KBTBD12: variants seen among roughly 807,000 people sequenced by gnomAD.
The protein encoded by KBTBD12 is kelch repeat and BTB domain containing 12, also known as kelch repeat and BTB domain-containing protein 12.
Under a neutral mutation model 58.7 loss-of-function variants are expected in KBTBD12, and 53 were observed. That is an observed-to-expected ratio of 0.90 (90% CI 0.72 to 1.14). The LOEUF (loss-of-function observed/expected upper bound fraction) is 1.14, where lower values mean the gene tolerates loss of function less well. KBTBD12 is among the 50% of genes most tolerant of loss of function. The probability of loss-of-function intolerance (pLI) is 0.00; values close to 1 mark genes in which losing one functional copy is unlikely to be tolerated. For synonymous variants in KBTBD12, 236 were observed against 259.8 expected (o/e 0.91, Z 0.88); for missense variants, 704 against 751.3 (o/e 0.94, Z 0.74).
chr3:127,986,382 T>C lies in KBTBD12; in HGVS notation c.*2104T>C, dbSNP rs1484732587. The C allele has an allele frequency of 6.6e-6, 1 of 152,624 alleles. No individual in the cohort carries two copies. Among genetic ancestry groups the C allele is most frequent in the Non-Finnish European group, 1.5e-5 (1 of 68,044 alleles). The allele number at this position is 152,624 out of a possible 1,614,324, so 9.5% of individuals were successfully genotyped here. A position where few individuals can be genotyped will look rare whatever the true frequency, so the allele number is the denominator to read the frequency against. On this transcript the variant is annotated 3_prime_UTR_variant, in exon 6 of 6. Transcript: ENST00000405109. ...TTAGCTGCCATTATTATCATCACTG[T>C]CATTATCATTGCAGTCAGCACTTCC...
intron 5 of KBTBD12, among the ~76,000 whole-genome samples, chr3:127,968,831 G>T (rs1000278347): frequency 6.8e-6 from 1 of 146,350 alleles, no homozygotes; most frequent in Non-Finnish European, 1.5e-5. Flanking sequence ...CGTATTAGTA[G>T]AATAAAGGGA....
intron 1 of KBTBD12, among the ~76,000 whole-genome samples, chr3:127,921,707 C>T (rs1306296861): frequency 2.6e-5 from 4 of 152,062 alleles, no homozygotes; most frequent in South Asian, 2.1e-4. Context: ...CAGTTATTTC[C>T]GTTTTCAAAT....
At chr3:127,922,088 G>A (rs1224748687) in intron 1 of KBTBD12, among the ~76,000 whole-genome samples, 2 of 152,044 alleles carry the variant, frequency 1.3e-5, no homozygotes, top group East Asian at 3.8e-4. Flanking sequence ...TAAAACAAAC[G>A]CTAATTTAAA....
chr3:127,984,295 G>C lies in KBTBD12; in HGVS notation c.*17G>C. On this transcript the variant is annotated 3_prime_UTR_variant, in exon 6 of 6. Coordinates refer to ENST00000405109, the MANE Select transcript of KBTBD12 (RefSeq NM_207335.4). ...GAGCACTAAGGTGACCTTGCTGGAG[G>C]ACCTCCTGCTGTTCTGCAAACAAGG... The C allele has an allele frequency of 6.2e-7, 1 of 1,608,988 alleles. No homozygotes were observed. The highest frequency in any genetic ancestry group is 8.5e-7 in the Non-Finnish European group (1 of 1,177,498).
At chr3:127,956,504 C>G (rs1271135057) in intron 4 of KBTBD12, among the ~76,000 whole-genome samples, 1 of 151,658 alleles carries the variant, frequency 6.6e-6, no homozygotes, top group Non-Finnish European at 1.5e-5. Flanking sequence ...CTATGACACC[C>G]AGTACAAACA....
intron 5 of KBTBD12, among the ~76,000 whole-genome samples, chr3:127,971,345 G>A (rs1451034997): frequency 5.3e-5 from 8 of 152,188 alleles, no homozygotes; most frequent in Admixed American, 2.0e-4. Context: ...ACTGAATACC[G>A]AAGAGCCACT....
intron 1 of KBTBD12, among the ~76,000 whole-genome samples, chr3:127,917,419 C>G (rs76579389): frequency 0.014 from 2,150 of 152,328 alleles, 46 homozygotes; most frequent in African/African-American, 0.048. Context: ...GGGAACCCTC[C>G]ACATGTTCAG....
At chr3:127,925,512 A>G (rs1040410803) in intron 2 of KBTBD12, among the ~76,000 whole-genome samples, 2 of 151,898 alleles carry the variant, frequency 1.3e-5, no homozygotes, top group African/African-American at 4.8e-5. Flanking sequence ...TTTTTAGTAA[A>G]CCTCCAACCC....
chr3:127,979,820 C>T (rs1329334793), intron 5 of KBTBD12, among the ~76,000 whole-genome samples: 1 of 152,192 alleles, frequency 6.6e-6, no homozygotes, highest in Non-Finnish European at 1.5e-5. Flanking sequence ...TTACAGAACA[C>T]ATACATTGAC....
rs544292803 is a variant in KBTBD12 at position 127,938,575 on chromosome 3, A to G, written c.1492+8292A>G. The stretch of plus-strand genomic sequence containing the variant: ...AAAAGCTAGATATTAGATGAAATGT[A>G]CCAACAATTATATTAAATGGAAATG... On this transcript the variant is annotated intron_variant, in intron 4 of 5. Coordinates refer to ENST00000405109, the MANE Select transcript of KBTBD12 (RefSeq NM_207335.4). Among the ~76,000 whole-genome samples, 68 of 152,328 alleles carry G rather than the reference A, an allele frequency of 4.5e-4. 1 individual carries two copies. The highest frequency in any genetic ancestry group is 1.5e-3 in the African/African-American group (62 of 41,586).
intron 1 of KBTBD12, among the ~76,000 whole-genome samples, chr3:127,918,556 C>CA (rs1387320011): frequency 1.3e-5 from 2 of 151,872 alleles, no homozygotes; most frequent in African/African-American, 2.4e-5. Context: ...ACTACAAATA[C>CA]AAAAAATTAG....
chr3:127,982,229 T>C (rs1005553630), intron 5 of KBTBD12, among the ~76,000 whole-genome samples: 3 of 152,224 alleles, frequency 2.0e-5, no homozygotes, highest in Non-Finnish European at 4.4e-5. Context: ...TTCTGTATAT[T>C]GTGATGTTTT....
At chr3:127,959,497 G>A (rs1042522607) in intron 4 of KBTBD12, among the ~76,000 whole-genome samples, 2 of 152,132 alleles carry the variant, frequency 1.3e-5, no homozygotes, top group African/African-American at 4.8e-5. Context: ...ATCAATTATA[G>A]ACATAGCAAA....
In KBTBD12 at chr3:127,984,533, G is replaced by A; in HGVS notation, c.*255G>A. ...ACAGGAGGGGCACAGGGCCACAGGAGAGCAGCAGAGGGAGGGTCTCACTCT... is the reference window on the plus strand; with the variant it reads ...ACAGGAGGGGCACAGGGCCACAGGAAAGCAGCAGAGGGAGGGTCTCACTCT... On this transcript the variant is annotated 3_prime_UTR_variant, in exon 6 of 6. Transcript: ENST00000405109. 1 of 364,930 alleles carries A rather than the reference G, an allele frequency of 2.7e-6. No individual in the cohort carries two copies. Among genetic ancestry groups the A allele is most frequent in the Admixed American group, 4.2e-5 (1 of 23,856 alleles). 22.6% of individuals were successfully genotyped at this position (364,930 alleles called of 1,614,324 possible). A position where few individuals can be genotyped will look rare whatever the true frequency, so the allele number is the denominator to read the frequency against.
chr3:127,983,685 G>A (rs547303344), intron 5 of KBTBD12, among the ~76,000 whole-genome samples: 5 of 152,078 alleles, frequency 3.3e-5, no homozygotes, highest in Admixed American at 6.6e-5. Flanking sequence ...CCCGGGAGGC[G>A]GAGGTTGCAG....
At chr3:127,916,497 A>G (rs986786155) in intron 1 of KBTBD12, among the ~76,000 whole-genome samples, 6 of 152,158 alleles carry the variant, frequency 3.9e-5, no homozygotes, top group African/African-American at 1.2e-4. Context: ...ATTACAAATA[A>G]TGACTGTCCC....
chr3:127,916,361 T>G (rs16838953), intron 1 of KBTBD12, among the ~76,000 whole-genome samples: 8,695 of 152,280 alleles, frequency 0.057, 286 homozygotes, highest in East Asian at 0.098. Context: ...CGTAGGATTT[T>G]AGCAAGATGG....
At chr3:127,946,111 C>T (rs1212951873) in intron 4 of KBTBD12, among the ~76,000 whole-genome samples, 1 of 152,176 alleles carries the variant, frequency 6.6e-6, no homozygotes, top group African/African-American at 2.4e-5. Context: ...TAATTTCATT[C>T]CTTCCACCCG....
chr3:127,936,820 A>G (rs1464105377), intron 4 of KBTBD12, among the ~76,000 whole-genome samples: 1 of 152,184 alleles, frequency 6.6e-6, no homozygotes, highest in African/African-American at 2.4e-5. Context: ...CTCTCATCTC[A>G]GAGGACTTCA....
Sources: allele counts gnomAD v4.1 joint callset (sites outside exome capture counted in the v4.1 genomes callset), GRCh38; gene constraint gnomAD v4.1.1; transcripts MANE v1.5; gene names NCBI Gene and HGNC (gene_info 2026-07-23, HGNC 2026-07-21).